Variants in VWA8 observed in about 807,000 individuals in gnomAD.
VWA8 encodes von Willebrand factor A domain containing 8.
Under a neutral mutation model 241.5 loss-of-function variants are expected in VWA8, and 221 were observed. The observed-to-expected ratio is 0.91, with a 90% confidence interval of 0.82 to 1.02. The LOEUF is 1.02. Ranked by LOEUF, VWA8 falls within the 50% of genes least tolerant of loss-of-function variation. VWA8 has a pLI of 0.00. For missense variants in VWA8, 2,322 were observed against 2,328.7 expected (o/e 1.00, Z 0.06); for synonymous variants, 852 against 827.1 (o/e 1.03, Z -0.52).
intron 20 of VWA8, among the ~76,000 whole-genome samples, chr13:41,762,696 ACATCTTGTGAAGAAAAGCATTCTACAAG>A (rs1164140620): frequency 2.0e-5 from 3 of 152,110 alleles, no homozygotes; most frequent in Non-Finnish European, 4.4e-5. Context: ...ACATACGCAA[ACATCTTGTGAAGAAAAGCATTCTACAAG>A]CATCAAGGAT....
intron 37 of VWA8, among the ~76,000 whole-genome samples, chr13:41,624,751 T>C (rs769842384): frequency 6.6e-6 from 1 of 152,218 alleles, no homozygotes; most frequent in African/African-American, 2.4e-5. Context: ...GCATTCTCTT[T>C]GAGAATCGAA....
At chr13:41,804,551 A>C (rs1185760889) in intron 17 of VWA8, among the ~76,000 whole-genome samples, 5 of 152,190 alleles carry the variant, frequency 3.3e-5, no homozygotes, top group Non-Finnish European at 5.9e-5. Context: ...AAAAAAATTA[A>C]TGAGCAGTAA....
At chr13:41,863,455 T>TATATATTCACA (rs1566485517) in intron 12 of VWA8, among the ~76,000 whole-genome samples, 13 of 87,168 alleles carry the variant, frequency 1.5e-4, no homozygotes, top group Admixed American at 8.2e-4. Context: ...ATATATATAT[T>TATATATTCACA]CACACACACA....
At chr13:41,642,756 C>T (rs2044805145) in intron 37 of VWA8, among the ~76,000 whole-genome samples, 1 of 150,584 alleles carries the variant, frequency 6.6e-6, no homozygotes, top group African/African-American at 2.4e-5. Flanking sequence ...AGGTGAAACC[C>T]CATCTCTACT....
chr13:41,573,411 C>T (rs1202937993), intron 43 of VWA8, among the ~76,000 whole-genome samples: 1 of 140,372 alleles, frequency 7.1e-6, no homozygotes, highest in African/African-American at 2.7e-5. Context: ...GAGCAAGACT[C>T]CATCTCAAAA....
intron 37 of VWA8, among the ~76,000 whole-genome samples, chr13:41,654,937 C>T (rs1287625952): frequency 1.3e-5 from 2 of 152,124 alleles, no homozygotes; most frequent in East Asian, 3.9e-4. Flanking sequence ...TCTGCAATTG[C>T]TTCCTTTTTC....
At position 41,615,033 on chromosome 13, in the gene VWA8, T is replaced by TC; in HGVS notation, c.4662dup (p.Lys1555GlufsTer49). The TC allele has an allele frequency of 6.2e-7, 1 of 1,613,958 alleles. No individual in the cohort carries two copies. Among genetic ancestry groups the TC allele is most frequent in the South Asian group, 1.1e-5 (1 of 91,076 alleles). On this transcript the variant is annotated frameshift_variant, in exon 38 of 45. Transcript: ENST00000379310. LOFTEE classifies it high-confidence loss of function. Reference sequence around the variant, plus strand: ...TGAGGCATGTTGTCTGGGTCCTCCTTCCCGTGTTTGGGGGAGCTTACATCT... The same window carrying TC: ...TGAGGCATGTTGTCTGGGTCCTCCTTCCCCGTGTTTGGGGGAGCTTACATCT...
intron 9 of VWA8, among the ~76,000 whole-genome samples, chr13:41,876,994 C>T (rs892052967): frequency 1.3e-5 from 2 of 152,062 alleles, no homozygotes; most frequent in African/African-American, 4.8e-5. Context: ...ATTCAACTAA[C>T]ACCCACACAT....
intron 22 of VWA8, among the ~76,000 whole-genome samples, chr13:41,730,219 A>G (rs1168272211): frequency 6.6e-6 from 1 of 152,202 alleles, no homozygotes; most frequent in East Asian, 1.9e-4. Context: ...TCTAGAAATG[A>G]GTGACTATGA....
intron 17 of VWA8, among the ~76,000 whole-genome samples, chr13:41,803,688 C>T (rs1870061855): frequency 6.6e-6 from 1 of 152,120 alleles, no homozygotes; most frequent in African/African-American, 2.4e-5. Flanking sequence ...AGCTACAATT[C>T]AAGATGAGAT....
intron 23 of VWA8, 121 bp from the exon 24 acceptor site, chr13:41,727,434 T>G (rs528893078): frequency 1.1e-6 from 1 of 894,902 alleles, no homozygotes; most frequent in Admixed American, 3.8e-5. Flanking sequence ...TCTAAGATAT[T>G]TGGCTGTGAT....
At chr13:41,731,351 T>C (rs992949351) in intron 22 of VWA8, among the ~76,000 whole-genome samples, 6 of 152,122 alleles carry the variant, frequency 3.9e-5, no homozygotes, top group Non-Finnish European at 8.8e-5. Flanking sequence ...TCTAAAACAC[T>C]TGGCTAATAT....
intron 36 of VWA8, among the ~76,000 whole-genome samples, chr13:41,673,016 TA>T (rs892490440): frequency 7.3e-4 from 111 of 152,142 alleles, no homozygotes; most frequent in African/African-American, 1.9e-3. Context: ...TTAATTTATT[TA>T]AAAAAAATTA....
At chr13:41,900,551 C>T (rs1040470699) in intron 4 of VWA8, among the ~76,000 whole-genome samples, 3 of 152,112 alleles carry the variant, frequency 2.0e-5, no homozygotes, top group African/African-American at 7.2e-5. Flanking sequence ...ATCTAAGTCC[C>T]TGTTCTAGAT....
At chr13:41,661,978 C>A (rs188372536) in intron 37 of VWA8, among the ~76,000 whole-genome samples, 1 of 152,244 alleles carries the variant, frequency 6.6e-6, no homozygotes, top group East Asian at 1.9e-4. Flanking sequence ...TAATTTTGGA[C>A]AGTCTATTCT....
At position 41,622,823 on chromosome 13, in the gene VWA8, T is replaced by C. The variant is rs532698871; in HGVS notation, c.4612-7739A>G. Among the ~76,000 whole-genome samples, 3 of 152,336 alleles carry C rather than the reference T, an allele frequency of 2.0e-5. No homozygotes were observed. The East Asian group carries it at 5.8e-4, about 29-fold the overall frequency. ...CTTTTAAAAGCCATCAATAAAATGA[T>C]ATAAATAGCCAGATTATAATCCTGG... On this transcript the variant is annotated intron_variant, in intron 37 of 44. Transcript: ENST00000379310.
rs1450252736 is a variant in VWA8, at chr13:41,863,417, GTGTGTGTGTGTGTGTGTA to G, written c.1425+2301_1425+2318del. 2.8e-5 allele frequency among the ~76,000 whole-genome samples: 2 copies of G among 72,662 alleles called. 1 individual carries two copies. The highest frequency in any genetic ancestry group is 9.2e-4 in the South Asian group (2 of 2,180). 47.7% of individuals were successfully genotyped at this position (72,662 alleles called of 152,430 possible). A position where few individuals can be genotyped will look rare whatever the true frequency, so the allele number is the denominator to read the frequency against. Reference sequence around the variant, plus strand: ...TATTTGTGTGTGTGTGTGTGTGTGTGTGTGTGTGTGTGTGTGTATATATATATATATATATATTCACAC... The same window carrying G: ...TATTTGTGTGTGTGTGTGTGTGTGTGTATATATATATATATATATTCACAC... On this transcript the variant is annotated intron_variant, in intron 12 of 44. Coordinates refer to ENST00000379310, the MANE Select transcript of VWA8 (RefSeq NM_015058.2).
intron 12 of VWA8, among the ~76,000 whole-genome samples, chr13:41,852,185 T>C (rs1408879665): frequency 6.6e-6 from 1 of 152,220 alleles, no homozygotes; most frequent in Non-Finnish European, 1.5e-5. Context: ...ATGAGTGATG[T>C]TGACCACTTT....
chr13:41,631,785 C>T (rs965450313), intron 37 of VWA8, among the ~76,000 whole-genome samples: 1 of 152,150 alleles, frequency 6.6e-6, no homozygotes, highest in Non-Finnish European at 1.5e-5. Flanking sequence ...CAAATGTTAT[C>T]ATTGTGTGTA....
Sources: gnomAD v4.1 joint callset for allele counts (sites outside exome capture counted in the v4.1 genomes callset) on GRCh38, gnomAD v4.1.1 for gene constraint, MANE v1.5 for transcripts, NCBI Gene and HGNC (gene_info 2026-07-23, HGNC 2026-07-21) for gene names.